ARHGAP26: variants seen among roughly 807,000 people sequenced by gnomAD.
The protein encoded by ARHGAP26 is Rho GTPase activating protein 26.
A neutral mutation model predicts 104.8 loss-of-function variants in ARHGAP26; 38 were observed. The ratio of observed to expected loss-of-function variants is 0.36; its 90% CI spans 0.28 to 0.48. The LOEUF (loss-of-function observed/expected upper bound fraction) is 0.48, where lower values mean the gene tolerates loss of function less well. Ranked by LOEUF, ARHGAP26 falls within the 20% of genes least tolerant of loss-of-function variation. The pLI is 0.99. For synonymous variants in ARHGAP26, 341 were observed against 340.0 expected, an observed-to-expected ratio of 1.00 and a Z score of -0.03; for missense variants, 704 against 947.9, an observed-to-expected ratio of 0.74 and a Z score of 3.38.
chr5:142,810,590 T>C (rs1358215651), intron 1 of ARHGAP26, among the ~76,000 whole-genome samples: 2 of 152,330 alleles, frequency 1.3e-5, no homozygotes, highest in East Asian at 1.9e-4. Context: ...ATGGCATACC[T>C]GAGTGGACAG....
At chr5:143,198,846 T>C (rs1229779975) in intron 20 of ARHGAP26, among the ~76,000 whole-genome samples, 1 of 152,224 alleles carries the variant, frequency 6.6e-6, no homozygotes, top group African/African-American at 2.4e-5. Context: ...GGAGTACATG[T>C]ACAGGTTTGT....
chr5:143,195,006 C>G (rs2028267), intron 20 of ARHGAP26, among the ~76,000 whole-genome samples: 35,162 of 152,020 alleles, frequency 0.23, 5,087 homozygotes, highest in African/African-American at 0.42. Context: ...AGATTAAAAT[C>G]AGATCAGAGA....
intron 10 of ARHGAP26, among the ~76,000 whole-genome samples, chr5:142,924,935 A>C (rs1367625699): frequency 6.6e-6 from 1 of 152,254 alleles, no homozygotes; most frequent in Non-Finnish European, 1.5e-5. Context: ...GTTGGTCTTA[A>C]TGCATGAGAT....
At chr5:142,833,664 C>T (rs142035911) in intron 1 of ARHGAP26, among the ~76,000 whole-genome samples, 6 of 152,292 alleles carry the variant, frequency 3.9e-5, no homozygotes, top group African/African-American at 1.4e-4. Flanking sequence ...TATTTGCGCT[C>T]TTTCTGTGTG....
At chr5:143,204,715 A>G (rs143112189) in intron 20 of ARHGAP26, among the ~76,000 whole-genome samples, 35 of 152,288 alleles carry the variant, frequency 2.3e-4, no homozygotes, top group African/African-American at 7.9e-4. Context: ...TGTTCACAGA[A>G]TATGTTCCAA....
chr5:142,832,919 T>A (rs1768778465), intron 1 of ARHGAP26, among the ~76,000 whole-genome samples: 1 of 152,236 alleles, frequency 6.6e-6, no homozygotes, highest in South Asian at 2.1e-4. Flanking sequence ...TCTAGTTTTT[T>A]ACTTAAAAAT....
intron 1 of ARHGAP26, among the ~76,000 whole-genome samples, chr5:142,810,136 T>C (rs926030442): frequency 6.6e-6 from 1 of 152,188 alleles, no homozygotes; most frequent in African/African-American, 2.4e-5. Context: ...ATTTGGCTGA[T>C]GAATTCTTCT....
At chr5:142,919,721 G>C (rs887494666) in intron 10 of ARHGAP26, among the ~76,000 whole-genome samples, 4 of 151,844 alleles carry the variant, frequency 2.6e-5, no homozygotes, top group African/African-American at 7.3e-5. Context: ...TTTTGGCCTA[G>C]CGTGATGACT....
intron 11 of ARHGAP26, among the ~76,000 whole-genome samples, chr5:142,948,131 T>A (rs1175398705): frequency 6.6e-6 from 1 of 152,180 alleles, no homozygotes; most frequent in African/African-American, 2.4e-5. Context: ...ACTTTAGACG[T>A]GGCACTTTCA....
chr5:142,804,753 A>T (rs1762675404), intron 1 of ARHGAP26, among the ~76,000 whole-genome samples: 1 of 152,146 alleles, frequency 6.6e-6, no homozygotes, highest in Non-Finnish European at 1.5e-5. Flanking sequence ...TGGCTTCCCG[A>T]AGTTCTGGGA....
At chr5:143,044,846 C>G (rs1784003703) in intron 14 of ARHGAP26, among the ~76,000 whole-genome samples, 1 of 152,102 alleles carries the variant, frequency 6.6e-6, no homozygotes, top group South Asian at 2.1e-4. Context: ...CAAACCCTAT[C>G]AAAGACTGAA....
chr5:142,811,147 C>T (rs746624396), intron 1 of ARHGAP26, among the ~76,000 whole-genome samples: 1 of 152,210 alleles, frequency 6.6e-6, no homozygotes, highest in Non-Finnish European at 1.5e-5. Flanking sequence ...AGACCTACCT[C>T]CTGGGGTTAT....
chr5:143,136,892 AG>A (rs1472350296), intron 19 of ARHGAP26, among the ~76,000 whole-genome samples: 1 of 152,220 alleles, frequency 6.6e-6, no homozygotes, highest in Non-Finnish European at 1.5e-5. Context: ...TTGTGAAAAA[AG>A]GTATATATTT....
In ARHGAP26 at chr5:142,921,007, T is replaced by C. The variant is rs558371218; in HGVS notation, c.1028+7714T>C. 1.4e-4 allele frequency among the ~76,000 whole-genome samples: 22 copies of C among 152,356 alleles called. No homozygotes were observed. The South Asian group carries it at 3.9e-3, about 27-fold the overall frequency. On this transcript the variant is annotated intron_variant, in intron 10 of 22. Transcript: ENST00000645722. ...TGCTAGAGACTACTGGCAGTGGAGA[T>C]ATAAAGTTTACAAATCTGTAGGACT...
At chr5:142,838,931 C>T (rs999204668) in intron 1 of ARHGAP26, among the ~76,000 whole-genome samples, 1 of 152,110 alleles carries the variant, frequency 6.6e-6, no homozygotes, top group African/African-American at 2.4e-5. Context: ...CTTTTTATGC[C>T]ATCATGACTT....
At chr5:142,884,049 A>G (rs1251921945) in intron 4 of ARHGAP26, among the ~76,000 whole-genome samples, 1 of 152,204 alleles carries the variant, frequency 6.6e-6, no homozygotes, top group Non-Finnish European at 1.5e-5. Flanking sequence ...GTTGCAGAAA[A>G]ACATCCCTAT....
chr5:142,791,337 C>G (rs752559801), intron 1 of ARHGAP26, among the ~76,000 whole-genome samples: 5 of 151,946 alleles, frequency 3.3e-5, no homozygotes, highest in Non-Finnish European at 5.9e-5. Flanking sequence ...CAGCCTCCAT[C>G]TCCTCTCCCA....
intron 12 of ARHGAP26, among the ~76,000 whole-genome samples, chr5:143,027,996 GC>G (rs1372333609): frequency 6.6e-6 from 1 of 152,114 alleles, no homozygotes; most frequent in African/African-American, 2.4e-5. Flanking sequence ...CTGATCCACA[GC>G]CCCCAGTTCC....
At chr5:143,012,552 C>CATACATATATATATATATATATAT (rs1200923855) in intron 11 of ARHGAP26, among the ~76,000 whole-genome samples, 2 of 20,832 alleles carry the variant, frequency 9.6e-5, no homozygotes, top group African/African-American at 2.4e-4. Context: ...TACATACATA[C>CATACATATATATATATATATATAT]ATATATATAT....
Sources: allele counts gnomAD v4.1 joint callset (sites outside exome capture counted in the v4.1 genomes callset), GRCh38; gene constraint gnomAD v4.1.1; transcripts MANE v1.5; gene names NCBI Gene and HGNC (gene_info 2026-07-23, HGNC 2026-07-21).